GRK1: variants seen among roughly 807,000 people sequenced by gnomAD.
GRK1 encodes G protein-coupled receptor kinase 1, also known as rhodopsin kinase GRK1.
A neutral mutation model predicts 41.7 loss-of-function variants in GRK1; 28 were observed. That is an observed-to-expected ratio of 0.67 (90% CI 0.50 to 0.92). GRK1 has a LOEUF of 0.92. GRK1 is among the 40% of genes least tolerant of loss of function. The pLI is 0.00. For missense variants in GRK1, 703 were observed against 671.2 expected (o/e 1.05, Z -0.52); for synonymous variants, 327 against 286.7 (o/e 1.14, Z -1.42).
Position 113,731,410 on chromosome 13 carries a change from A to C in GRK1, c.1194+67A>C. ...CCCTGGCTCTCGATGGGGACGGGGC[A>C]GTGATGGGATCGTTACTGGGGCAGA... On this transcript the variant is annotated intron_variant, in intron 5 of 6. Coordinates refer to ENST00000335678, the MANE Select transcript of GRK1 (RefSeq NM_002929.3). The surrounding 1 kb of genome is among the most constrained non-coding windows in gnomAD (Gnocchi z 5.6). The C allele has an allele frequency of 6.5e-7, 1 of 1,527,798 alleles. No individual in the cohort carries two copies. Among genetic ancestry groups the C allele is most frequent in the Non-Finnish European group, 8.8e-7 (1 of 1,141,458 alleles). 94.6% of individuals were successfully genotyped at this position (1,527,798 alleles called of 1,614,324 possible). A position where few individuals can be genotyped will look rare whatever the true frequency, so the allele number is the denominator to read the frequency against.
chr13:113,653,253 C>T, the GRK1 span: 1 of 1,496,162 alleles, frequency 6.7e-7, no homozygotes, highest in South Asian at 1.2e-5. Flanking sequence ...CTTCACACCT[C>T]ACCCACCCGC....
upstream of GRK1, chr13:113,667,120 C>A: frequency 2.4e-6 from 1 of 423,190 alleles, no homozygotes; most frequent in Non-Finnish European, 4.2e-6. This position sits in a 1 kb window ranked among gnomAD's most constrained non-coding sequence, Gnocchi z 7.5. Flanking sequence ...AGGGGATTGT[C>A]TTTTTCTAGC....
chr13:113,723,872 G>C, intron 4 of GRK1, among the ~76,000 whole-genome samples: 1 of 150,866 alleles, frequency 6.6e-6, no homozygotes, highest in African/African-American at 2.5e-5. Context: ...GCATGCCCGT[G>C]TCTGTGCACA....
At chr13:113,669,891 C>T (rs1350911425) in intron 2 of GRK1, 77 bp downstream of exon 2, 63 of 1,564,706 alleles carry the variant, frequency 4.0e-5, no homozygotes, top group Non-Finnish European at 4.9e-5. Context: ...GGGCTCCTTT[C>T]CACAGGCAGA....
chr13:113,727,276 C>T (rs1383767319), intron 4 of GRK1, among the ~76,000 whole-genome samples: 3 of 152,272 alleles, frequency 2.0e-5, no homozygotes, highest in African/African-American at 7.2e-5. Context: ...GAGCTCATGG[C>T]TGCCGCCACT....
chr13:113,669,735 A>G lies in GRK1; in HGVS notation c.748A>G (p.Ile250Val). The G allele has an allele frequency of 6.2e-7, 1 of 1,613,974 alleles. No individual in the cohort carries two copies. Among genetic ancestry groups the G allele is most frequent in the Non-Finnish European group, 8.5e-7 (1 of 1,179,872 alleles). Residue 250 changes from isoleucine to valine, a missense_variant, in exon 2 of 7, where the codon ATC becomes GTC. Ile to Val is a conservative substitution (Grantham distance 29). Coordinates refer to ENST00000335678, the MANE Select transcript of GRK1 (RefSeq NM_002929.3). ...KILMKVHSRF[I>V]VSLAYAFETK... ...TCTGATGAAAGTACACAGCAGGTTC[A>G]TCGTGTCTCTGGCCTATGCGTTTGA... is the stretch of plus-strand genomic sequence containing the variant.
chr13:113,733,778 C>CA (rs2049966831), intron 6 of GRK1, among the ~76,000 whole-genome samples: 1 of 89,450 alleles, frequency 1.1e-5, no homozygotes, highest in Admixed American at 1.1e-4. Context: ...TGTGTGCATA[C>CA]GTGTGTGCAT....
At chr13:113,663,118 T>C (rs2049799615), upstream of GRK1, among the ~76,000 whole-genome samples, 1 of 152,142 alleles carries the variant, frequency 6.6e-6, no homozygotes, top group Admixed American at 6.5e-5. Flanking sequence ...GTGATCAAGA[T>C]TGTATGGTAT....
intron 6 of GRK1, among the ~76,000 whole-genome samples, chr13:113,734,198 C>G (rs1050976661): frequency 6.6e-6 from 1 of 152,172 alleles, no homozygotes; most frequent in African/African-American, 2.4e-5. Context: ...CACAGGTGAC[C>G]AGGGAGCAGA....
chr13:113,670,188 G>T (rs1238101741), intron 2 of GRK1, among the ~76,000 whole-genome samples: 1 of 152,152 alleles, frequency 6.6e-6, no homozygotes, highest in Non-Finnish European at 1.5e-5. Flanking sequence ...CCCACTCCTA[G>T]GGCTGACCCT....
At chr13:113,650,835 C>T in the GRK1 span, among the ~76,000 whole-genome samples, 1 of 152,076 alleles carries the variant, frequency 6.6e-6, no homozygotes, top group Non-Finnish European at 1.5e-5. This position sits in a 1 kb window ranked among gnomAD's most constrained non-coding sequence, Gnocchi z 5.0. Flanking sequence ...GTGGCAAGGG[C>T]TGGTTTGCCA....
upstream of GRK1, among the ~76,000 whole-genome samples, chr13:113,665,362 G>A (rs1388421472): frequency 2.0e-5 from 3 of 147,712 alleles, no homozygotes; most frequent in South Asian, 2.1e-4. Flanking sequence ...AGGTGTGTCC[G>A]AGGTATGCCC....
intron 6 of GRK1, among the ~76,000 whole-genome samples, chr13:113,733,672 C>CGT (rs200262963): frequency 0.13 from 11,871 of 88,866 alleles, 1,285 homozygotes; most frequent in African/African-American, 0.33. Context: ...CGTGTGTGCA[C>CGT]GTGTGTGCAT....
chr13:113,663,856 T>C (rs1024255610), upstream of GRK1, among the ~76,000 whole-genome samples: 3 of 152,160 alleles, frequency 2.0e-5, no homozygotes, highest in African/African-American at 7.2e-5. Context: ...GAATGTAAAA[T>C]GGCACGGCCA....
intron 6 of GRK1, 125 bp from the exon 7 acceptor site, chr13:113,734,943 C>G: frequency 1.0e-6 from 1 of 979,946 alleles, no homozygotes; most frequent in Non-Finnish European, 1.4e-6. Context: ...CACGACACTT[C>G]CCTAAGGAAG....
chr13:113,727,509 A>C (rs2049896795), intron 4 of GRK1, among the ~76,000 whole-genome samples: 1 of 152,078 alleles, frequency 6.6e-6, no homozygotes, highest in Admixed American at 6.6e-5. Context: ...GCCTTGGACA[A>C]GTTGCTGCAC....
Position 113,671,390 on chromosome 13 carries a change from G to C in GRK1, c.828-109G>C. 1.4e-6 allele frequency: 1 copy of C among 735,102 alleles called. No homozygotes were observed. 45.5% of individuals were successfully genotyped at this position (735,102 alleles called of 1,614,324 possible). On this transcript the variant is annotated intron_variant, in intron 2 of 6. Transcript: ENST00000335678. This position sits in a 1 kb window ranked among gnomAD's most constrained non-coding sequence, Gnocchi z 4.1. ...ACGTAGGGGGGCCAGGCCTCAAAAC[G>C]ACCAGAACGCTGGCCGAGAGACATG... is the stretch of plus-strand genomic sequence containing the variant.
the GRK1 span, among the ~76,000 whole-genome samples, chr13:113,657,474 C>T: frequency 6.6e-6 from 1 of 152,362 alleles, no homozygotes; most frequent in Admixed American, 6.5e-5. Flanking sequence ...CCAGGAGGGC[C>T]AGGCTGCCCG....
At chr13:113,728,697 C>T (rs1002613269) in intron 4 of GRK1, among the ~76,000 whole-genome samples, 12 of 152,182 alleles carry the variant, frequency 7.9e-5, no homozygotes, top group Admixed American at 5.9e-4. Context: ...GTGCCTGAGC[C>T]GAGACAGGTG....
Sources: gnomAD v4.1 joint callset for allele counts (sites outside exome capture counted in the v4.1 genomes callset) on GRCh38, gnomAD v4.1.1 for gene constraint, Gnocchi (gnomAD v3.1) non-coding constraint, MANE v1.5 for transcripts, NCBI Gene and HGNC (gene_info 2026-07-23, HGNC 2026-07-21) for gene names.